The following VWC2 variants were observed in gnomAD, a reference collection of about 807,000 sequenced individuals.
The protein encoded by VWC2 is brorin.
A neutral mutation model predicts 29.8 loss-of-function variants in VWC2; 14 were observed. The ratio of observed to expected loss-of-function variants is 0.47; its 90% CI spans 0.31 to 0.74. The LOEUF (loss-of-function observed/expected upper bound fraction) is 0.74, where lower values mean the gene tolerates loss of function less well. Among genes scored for constraint, VWC2 ranks in the 30% least tolerant of loss-of-function variants. The pLI is 0.05. For synonymous variants in VWC2, 213 were observed against 199.0 expected, an observed-to-expected ratio of 1.07 and a Z score of -0.59; for missense variants, 457 against 459.8, an observed-to-expected ratio of 0.99 and a Z score of 0.05.
chr7:49,857,696 G>A (rs1021038826), intron 3 of VWC2, among the ~76,000 whole-genome samples: 1 of 152,148 alleles, frequency 6.6e-6, no homozygotes, highest in African/African-American at 2.4e-5. Flanking sequence ...GTGACTCTTG[G>A]TGGGAATGCA....
In VWC2 at chr7:49,820,315, T is replaced by C. The variant is rs557459988; in HGVS notation, c.826+17475T>C. Among the ~76,000 whole-genome samples the C allele has an allele frequency of 2.0e-5, 3 of 152,270 alleles. No individual in the cohort carries two copies. In the East Asian group the frequency reaches 5.8e-4, roughly 29 times the overall value. On this transcript the variant is annotated intron_variant, in intron 3 of 3. Coordinates refer to ENST00000340652, the MANE Select transcript of VWC2 (RefSeq NM_198570.5). ...CGATGATTACCGTGGCAGCCCGCAG[T>C]CATTATTGAAAATACACCATCAGAA...
chr7:49,893,150 G>A (rs1792216724), intron 3 of VWC2, among the ~76,000 whole-genome samples: 2 of 152,208 alleles, frequency 1.3e-5, no homozygotes, highest in South Asian at 4.1e-4. Flanking sequence ...TAAAAATGGA[G>A]ATATATTTTA....
intron 3 of VWC2, among the ~76,000 whole-genome samples, chr7:49,884,967 T>G (rs1165943241): frequency 2.0e-5 from 3 of 152,080 alleles, no homozygotes; most frequent in African/African-American, 4.8e-5. Context: ...AATAAAAAGA[T>G]GAAAAGTATC....
intron 3 of VWC2, among the ~76,000 whole-genome samples, chr7:49,900,067 T>C (rs1012688734): frequency 5.9e-5 from 9 of 151,698 alleles, no homozygotes; most frequent in Admixed American, 5.9e-4. Context: ...AACTTATAAA[T>C]AACACATGGA....
intron 3 of VWC2, among the ~76,000 whole-genome samples, chr7:49,898,595 A>T (rs1457699122): frequency 6.6e-6 from 1 of 152,110 alleles, no homozygotes; most frequent in African/African-American, 2.4e-5. Context: ...CACACATATC[A>T]TAAGCATACA....
chr7:49,785,197 A>T (rs1260720437), intron 2 of VWC2, among the ~76,000 whole-genome samples: 1 of 151,152 alleles, frequency 6.6e-6, no homozygotes, highest in Non-Finnish European at 1.5e-5. Flanking sequence ...ATGCAGTTTA[A>T]GATATAATTA....
At chr7:49,832,694 TG>T (rs1789565167) in intron 3 of VWC2, among the ~76,000 whole-genome samples, 1 of 152,170 alleles carries the variant, frequency 6.6e-6, no homozygotes, top group African/African-American at 2.4e-5. Context: ...TCTGGTCTGC[TG>T]GGGCCTAGTG....
intron 3 of VWC2, among the ~76,000 whole-genome samples, chr7:49,876,554 T>C (rs1174239314): frequency 6.6e-6 from 1 of 152,194 alleles, no homozygotes; most frequent in African/African-American, 2.4e-5. Flanking sequence ...TCATATTTAA[T>C]TTAGTACTTC....
At chr7:49,909,272 G>A (rs1190711387) in intron 3 of VWC2, among the ~76,000 whole-genome samples, 1 of 152,114 alleles carries the variant, frequency 6.6e-6, no homozygotes. Flanking sequence ...AGATATTAGG[G>A]TGAAATAAAA....
chr7:49,893,668 C>G (rs1472947785), intron 3 of VWC2, among the ~76,000 whole-genome samples: 1 of 149,694 alleles, frequency 6.7e-6, no homozygotes, highest in African/African-American at 2.5e-5. Context: ...GAGACCAGTA[C>G]CCTGTGAAAC....
At chr7:49,779,038 GGAGAGAGA>G (rs58968931) in intron 2 of VWC2, among the ~76,000 whole-genome samples, 2 of 149,852 alleles carry the variant, frequency 1.3e-5, no homozygotes, top group Non-Finnish European at 3.0e-5. Context: ...TTCCAGAGAG[GGAGAGAGA>G]GAGAGAGAGA....
chr7:49,786,849 A>G (rs1788311698), intron 2 of VWC2, among the ~76,000 whole-genome samples: 1 of 152,000 alleles, frequency 6.6e-6, no homozygotes, highest in Admixed American at 6.6e-5. Context: ...TTGTTTGCTG[A>G]TTTGTTTAAA....
intron 2 of VWC2, among the ~76,000 whole-genome samples, chr7:49,789,224 GGAGAGTGTGTGAAAGA>G (rs1788400656): frequency 6.9e-6 from 1 of 144,794 alleles, no homozygotes; most frequent in Admixed American, 6.9e-5. Context: ...TGTGAGTGTG[GGAGAGTGTGTGAAAGA>G]GTGTAGGTGT....
rs539279613 is a variant in VWC2 at position 49,788,907 on chromosome 7, TGA to T, written c.696+12780_696+12781del. Among the ~76,000 whole-genome samples, 664 of 141,972 alleles carry T rather than the reference TGA, an allele frequency of 4.7e-3. 3 individuals are homozygous for T. Among genetic ancestry groups the T allele is most frequent in the African/African-American group, 0.014 (531 of 37,806 alleles). 93.1% of individuals were successfully genotyped at this position (141,972 alleles called of 152,430 possible). ...GGTGTGTGTGGAGTGAGTGTGGGTG[TGA>T]GAGTGTGTGTGGCCTGCATGTGTGA... On this transcript the variant is annotated intron_variant, in intron 2 of 3. Coordinates refer to ENST00000340652, the MANE Select transcript of VWC2 (RefSeq NM_198570.5).
At chr7:49,851,586 G>A (rs1195846399) in intron 3 of VWC2, among the ~76,000 whole-genome samples, 7 of 152,246 alleles carry the variant, frequency 4.6e-5, no homozygotes, top group Non-Finnish European at 5.9e-5. Context: ...CAGGCCAGGC[G>A]TGGTGGCTCA....
chr7:49,887,121 G>C (rs1049967451), intron 3 of VWC2, among the ~76,000 whole-genome samples: 1 of 152,024 alleles, frequency 6.6e-6, no homozygotes, highest in African/African-American at 2.4e-5. Flanking sequence ...TATCGACAAG[G>C]GTTTGTATAT....
At chr7:49,779,093 A>G (rs1178263352) in intron 2 of VWC2, among the ~76,000 whole-genome samples, 1 of 152,026 alleles carries the variant, frequency 6.6e-6, no homozygotes, top group African/African-American at 2.4e-5. Context: ...ATTACTAGTT[A>G]TTGATGGAGG....
At chr7:49,840,729 T>C (rs1296275476) in intron 3 of VWC2, among the ~76,000 whole-genome samples, 1 of 152,216 alleles carries the variant, frequency 6.6e-6, no homozygotes, top group African/African-American at 2.4e-5. Context: ...ATTCACTCTT[T>C]TATTGTTCAT....
intron 3 of VWC2, among the ~76,000 whole-genome samples, chr7:49,867,319 C>T (rs1222269510): frequency 6.6e-6 from 1 of 152,112 alleles, no homozygotes; most frequent in Non-Finnish European, 1.5e-5. Context: ...AAAGAAGAAG[C>T]ATGAGAAACT....
Sources: allele counts gnomAD v4.1 joint callset (sites outside exome capture counted in the v4.1 genomes callset), GRCh38; gene constraint gnomAD v4.1.1; transcripts MANE v1.5; gene names NCBI Gene and HGNC (gene_info 2026-07-23, HGNC 2026-07-21).